The following SAE1 variants were observed in gnomAD, a reference collection of about 807,000 sequenced individuals.
SAE1 encodes the protein SUMO-activating enzyme subunit 1.
A neutral mutation model predicts 40.6 loss-of-function variants in SAE1; 11 were observed. That is an observed-to-expected ratio of 0.27 (90% CI 0.17 to 0.45). The LOEUF (loss-of-function observed/expected upper bound fraction) is 0.45, where lower values mean the gene tolerates loss of function less well. SAE1 is among the 20% of genes least tolerant of loss of function. SAE1 has a pLI of 1.00. For missense variants in SAE1, 373 were observed against 427.3 expected (o/e 0.87, Z 1.12); for synonymous variants, 155 against 154.3 (o/e 1.00, Z -0.03).
chr19:47,135,293 G>A (rs2058171515), intron 1 of SAE1, among the ~76,000 whole-genome samples: 1 of 151,874 alleles, frequency 6.6e-6, no homozygotes, highest in Non-Finnish European at 1.5e-5. Context: ...TTATATTTTT[G>A]TATCCATTAG....
At chr19:47,189,358 C>T (rs918960034) in intron 6 of SAE1, among the ~76,000 whole-genome samples, 3 of 152,130 alleles carry the variant, frequency 2.0e-5, no homozygotes, top group South Asian at 4.2e-4. Context: ...GAATTTGAGA[C>T]CAGCCTGACC....
chr19:47,196,964 C>T (rs936740367), intron 6 of SAE1, among the ~76,000 whole-genome samples: 4 of 151,894 alleles, frequency 2.6e-5, no homozygotes, highest in African/African-American at 9.7e-5. Flanking sequence ...GGGCGGATCA[C>T]GAGGTCAGGA....
At chr19:47,202,282 A>G (rs1224298961) in intron 7 of SAE1, among the ~76,000 whole-genome samples, 1 of 151,888 alleles carries the variant, frequency 6.6e-6, no homozygotes, top group Non-Finnish European at 1.5e-5. Flanking sequence ...TTAAAATTAT[A>G]CCTATTTATT....
intron 1 of SAE1, chr19:47,131,257 G>C: frequency 1.7e-5 from 19 of 1,143,366 alleles, no homozygotes; most frequent in Non-Finnish European, 2.2e-5. Context: ...GCTCTGAAGG[G>C]GGCGTTGGGG....
intron 6 of SAE1, among the ~76,000 whole-genome samples, chr19:47,192,373 C>T (rs528696923): frequency 3.3e-5 from 5 of 152,000 alleles, no homozygotes; most frequent in African/African-American, 9.6e-5. Context: ...CTCAGGCTCC[C>T]GAGTAGCTGG....
chr19:47,173,517 A>G (rs896403789), intron 6 of SAE1, among the ~76,000 whole-genome samples: 1 of 152,168 alleles, frequency 6.6e-6, no homozygotes, highest in African/African-American at 2.4e-5. Context: ...AATACTCTGG[A>G]AACTGCAGAG....
intron 2 of SAE1, among the ~76,000 whole-genome samples, chr19:47,149,211 C>G (rs2058272351): frequency 7.2e-6 from 1 of 138,086 alleles, no homozygotes; most frequent in East Asian, 2.1e-4. Context: ...TGCTCTGTTG[C>G]CCAGGCTGGA....
chr19:47,181,476 CTTTTT>C (rs202245801), intron 6 of SAE1, among the ~76,000 whole-genome samples: 1 of 99,726 alleles, frequency 1.0e-5, no homozygotes. Flanking sequence ...TTTTCTTTTC[CTTTTT>C]TTTTTTTTTT....
chr19:47,207,100 TGAG>T (rs1172851122), intron 8 of SAE1, among the ~76,000 whole-genome samples: 2 of 152,256 alleles, frequency 1.3e-5, no homozygotes, highest in African/African-American at 4.8e-5. Context: ...TTGGGCAACA[TGAG>T]GAGACCTCAT....
At chr19:47,154,124 T>G (rs1194519999) in intron 4 of SAE1, among the ~76,000 whole-genome samples, 1 of 145,134 alleles carries the variant, frequency 6.9e-6, no homozygotes, top group African/African-American at 2.6e-5. Flanking sequence ...GAGTTTTGCT[T>G]TTGTCACCCA....
chr19:47,165,094 T>TG (rs2058384440), intron 5 of SAE1, among the ~76,000 whole-genome samples: 1 of 140,862 alleles, frequency 7.1e-6, no homozygotes, highest in African/African-American at 2.7e-5. Flanking sequence ...TTTTTTTTTT[T>TG]TTTTTTTGAG....
In SAE1 at chr19:47,132,757, A is replaced by G. The variant is rs140962050; in HGVS notation, c.98+1729A>G. On this transcript the variant is annotated intron_variant, in intron 1 of 8. Transcript: ENST00000270225. The stretch of plus-strand genomic sequence containing the variant: ...ACAAAAATTAGCCAGGCATGGTGAC[A>G]TAAGTTTATAGTCCCAGCTTGTCAG... 5.3e-3 allele frequency among the ~76,000 whole-genome samples: 810 copies of G among 152,046 alleles called. 7 individuals are homozygous for G. Among genetic ancestry groups the G allele is most frequent in the East Asian group, 0.034 (174 of 5,170 alleles).
intron 6 of SAE1, among the ~76,000 whole-genome samples, chr19:47,186,957 A>C (rs1214008475): frequency 6.6e-6 from 1 of 152,168 alleles, no homozygotes; most frequent in Non-Finnish European, 1.5e-5. Context: ...GTGTGAGGGC[A>C]AGGCCTGGGG....
intron 6 of SAE1, among the ~76,000 whole-genome samples, chr19:47,179,282 G>GATT (rs1674672488): frequency 6.6e-6 from 1 of 151,886 alleles, no homozygotes; most frequent in African/African-American, 2.4e-5. Flanking sequence ...GAAGCAGGTG[G>GATT]ATTGCCTGAG....
At chr19:47,139,967 T>C (rs1313160531) in intron 1 of SAE1, among the ~76,000 whole-genome samples, 1 of 141,270 alleles carries the variant, frequency 7.1e-6, no homozygotes, top group Non-Finnish European at 1.5e-5. Flanking sequence ...AGACGGAGTC[T>C]CGCTCTTTCG....
At chr19:47,140,312 T>G (rs759734818) in intron 1 of SAE1, among the ~76,000 whole-genome samples, 2 of 151,942 alleles carry the variant, frequency 1.3e-5, no homozygotes, top group Admixed American at 6.6e-5. Context: ...TTCACCTTGT[T>G]AGCCAGGATG....
intron 7 of SAE1, among the ~76,000 whole-genome samples, chr19:47,200,294 CA>C (rs2058645157): frequency 6.7e-6 from 1 of 149,384 alleles, no homozygotes; most frequent in East Asian, 2.0e-4. Context: ...AGTGCAGTGG[CA>C]CATCATAGCT....
chr19:47,196,333 CTTTTTTT>C (rs61498882), intron 6 of SAE1, among the ~76,000 whole-genome samples: 102 of 27,878 alleles, frequency 3.7e-3, no homozygotes, highest in East Asian at 6.5e-3. Flanking sequence ...CCGCGCCTGG[CTTTTTTT>C]TTTTTTTTTT....
rs2058450127 is a variant in SAE1, at chr19:47,173,800, T to G, written c.733+3877T>G. The stretch of plus-strand genomic sequence containing the variant: ...TTCTTTCTTTTCTTTTTTTTTTTTT[T>G]TTGAGACGGAGTCTCTCTCTGTCAC... On this transcript the variant is annotated intron_variant, in intron 6 of 8. Coordinates refer to ENST00000270225, the MANE Select transcript of SAE1 (RefSeq NM_005500.3). Among the ~76,000 whole-genome samples the G allele has an allele frequency of 6.6e-5, 10 of 151,358 alleles. No individual in the cohort carries two copies. The South Asian group carries it at 2.1e-3, about 32-fold the overall frequency.
Sources: gnomAD v4.1 joint callset for allele counts (sites outside exome capture counted in the v4.1 genomes callset) on GRCh38, gnomAD v4.1.1 for gene constraint, MANE v1.5 for transcripts, NCBI Gene and HGNC (gene_info 2026-07-23, HGNC 2026-07-21) for gene names.